The following NPAS3 variants were observed in gnomAD, a reference collection of about 807,000 sequenced individuals.
NPAS3 encodes neuronal PAS domain-containing protein 3.
In NPAS3, 14 loss-of-function variants were observed where a neutral mutation model predicts 73.1. The observed-to-expected ratio is 0.19, with a 90% CI of 0.13 to 0.30. The LOEUF (loss-of-function observed/expected upper bound fraction) is 0.30. Ranked by LOEUF, NPAS3 falls within the 10% of genes least tolerant of loss-of-function variation. The pLI is 1.00. For synonymous variants in NPAS3, 620 were observed against 541.5 expected (o/e 1.14, Z -2.01); for missense variants, 1,096 against 1,250.0 (o/e 0.88, Z 1.86).
chr14:33,213,347 G>T (rs952771093), intron 2 of NPAS3, among the ~76,000 whole-genome samples: 1 of 152,188 alleles, frequency 6.6e-6, no homozygotes, highest in Non-Finnish European at 1.5e-5. Context: ...CTATGTAAAA[G>T]TGTTAGGGAA....
At chr14:33,677,856 C>CTGACT (rs1436552951) in intron 6 of NPAS3, among the ~76,000 whole-genome samples, 21 of 152,194 alleles carry the variant, frequency 1.4e-4, no homozygotes, top group Non-Finnish European at 2.2e-4. Flanking sequence ...CCATAGCTCA[C>CTGACT]TGACTTTACT....
At chr14:33,175,696 G>A (rs938400692) in intron 2 of NPAS3, among the ~76,000 whole-genome samples, 1 of 152,028 alleles carries the variant, frequency 6.6e-6, no homozygotes, top group Non-Finnish European at 1.5e-5. Flanking sequence ...AATTCATAAG[G>A]TTGCCTTGGG....
Position 33,165,569 on chromosome 14 carries a change from A to G in NPAS3, c.141-49613A>G, listed in dbSNP as rs376395910. Among the ~76,000 whole-genome samples the G allele has an allele frequency of 2.6e-5, 4 of 152,236 alleles. No homozygotes were observed. The East Asian group carries it at 5.8e-4, about 22-fold the overall frequency. On this transcript the variant is annotated intron_variant, in intron 2 of 11. Coordinates refer to ENST00000356141, the Ensembl canonical transcript of NPAS3. ...AAACAAGGTTAGTAGAATCATTTCT[A>G]ATCTGGAGGCCTTATCAGAGCGTTG... is the stretch of plus-strand genomic sequence containing the variant.
chr14:33,374,704 C>CA (rs761025943), intron 4 of NPAS3, among the ~76,000 whole-genome samples: 1 of 49,418 alleles, frequency 2.0e-5, no homozygotes, highest in African/African-American at 8.5e-5. Flanking sequence ...TGTGTCGGGG[C>CA]GGGGGGGGGA....
At chr14:33,707,953 T>C (rs982510445) in intron 6 of NPAS3, among the ~76,000 whole-genome samples, 21 of 152,186 alleles carry the variant, frequency 1.4e-4, no homozygotes, top group African/African-American at 4.6e-4. Flanking sequence ...GAATGTGAAG[T>C]TGTGTCCTAG....
intron 4 of NPAS3, among the ~76,000 whole-genome samples, chr14:33,551,695 T>TA (rs1193894518): frequency 2.6e-5 from 4 of 152,214 alleles, no homozygotes; most frequent in African/African-American, 9.6e-5. Context: ...GGTCCAGTCT[T>TA]ACATACCAGC....
At chr14:33,136,742 G>A (rs2043854936) in intron 2 of NPAS3, among the ~76,000 whole-genome samples, 1 of 152,184 alleles carries the variant, frequency 6.6e-6, no homozygotes, top group African/African-American at 2.4e-5. Context: ...GAAAGATTTA[G>A]TTTTTAGCTA....
intron 4 of NPAS3, among the ~76,000 whole-genome samples, chr14:33,411,158 T>C (rs1442865008): frequency 2.0e-5 from 3 of 152,134 alleles, no homozygotes; most frequent in Admixed American, 2.0e-4. Context: ...CCAGGAGACA[T>C]TTGGCAATGT....
chr14:32,952,764 A>G (rs1190528876), intron 1 of NPAS3, among the ~76,000 whole-genome samples: 2 of 152,126 alleles, frequency 1.3e-5, no homozygotes, highest in African/African-American at 4.8e-5. Context: ...TTTAGAATTG[A>G]GTGATACGTA....
At chr14:33,300,818 C>G (rs2042500291) in intron 3 of NPAS3, among the ~76,000 whole-genome samples, 1 of 152,050 alleles carries the variant, frequency 6.6e-6, no homozygotes, top group Non-Finnish European at 1.5e-5. Context: ...ACCGTATCAG[C>G]TGTAAGCCAG....
intron 7 of NPAS3, among the ~76,000 whole-genome samples, chr14:33,743,454 G>A (rs929544098): frequency 2.6e-5 from 4 of 152,144 alleles, no homozygotes; most frequent in African/African-American, 9.7e-5. Context: ...AGTAAACCAT[G>A]ATAATATACA....
At chr14:33,372,245 G>T (rs1207375220) in intron 4 of NPAS3, among the ~76,000 whole-genome samples, 1 of 152,076 alleles carries the variant, frequency 6.6e-6, no homozygotes, top group South Asian at 2.1e-4. Flanking sequence ...TGCATACTAC[G>T]TGTCCCTTTG....
At chr14:33,334,807 G>T (rs1193465739) in intron 3 of NPAS3, among the ~76,000 whole-genome samples, 1 of 152,142 alleles carries the variant, frequency 6.6e-6, no homozygotes, top group Admixed American at 6.6e-5. Flanking sequence ...TATCCAAAGT[G>T]TAGTATTTTA....
chr14:33,306,502 A>T (rs990819353), intron 3 of NPAS3, among the ~76,000 whole-genome samples: 16 of 152,140 alleles, frequency 1.1e-4, no homozygotes, highest in African/African-American at 3.6e-4. Flanking sequence ...GTTCATTTTG[A>T]GCCTTTAATT....
chr14:33,088,979 G>A (rs1045247730), intron 2 of NPAS3, among the ~76,000 whole-genome samples: 2 of 151,882 alleles, frequency 1.3e-5, no homozygotes, highest in Non-Finnish European at 2.9e-5. Context: ...CTGTTAAAAG[G>A]AAAACTAACA....
chr14:33,355,332 G>C (rs906995726), intron 3 of NPAS3, among the ~76,000 whole-genome samples: 1 of 152,082 alleles, frequency 6.6e-6, no homozygotes, highest in Non-Finnish European at 1.5e-5. Context: ...ATGGAGTCTT[G>C]CTCTGTCGCC....
chr14:33,082,982 A>G (rs577341613), intron 2 of NPAS3, among the ~76,000 whole-genome samples: 1 of 152,150 alleles, frequency 6.6e-6, no homozygotes, highest in African/African-American at 2.4e-5. Context: ...GAAGTTCAAG[A>G]CCAGCCTGGC....
chr14:33,003,145 C>T (rs1405783344), intron 1 of NPAS3, among the ~76,000 whole-genome samples: 1 of 151,390 alleles, frequency 6.6e-6, no homozygotes, highest in Admixed American at 6.6e-5. Context: ...AGTGTTAGCC[C>T]TTTTTAATCC....
chr14:33,001,806 A>G (rs1040298659), intron 1 of NPAS3, among the ~76,000 whole-genome samples: 12 of 152,102 alleles, frequency 7.9e-5, no homozygotes, highest in Admixed American at 2.6e-4. Flanking sequence ...TTCTTGCTCC[A>G]TTCTCATTTA....
Sources: allele counts gnomAD v4.1 joint callset (sites outside exome capture counted in the v4.1 genomes callset), GRCh38; gene constraint gnomAD v4.1.1; transcripts MANE v1.5; gene names NCBI Gene and HGNC (gene_info 2026-07-23, HGNC 2026-07-21).